Variants in STX8 observed in about 807,000 individuals in gnomAD.
STX8 encodes syntaxin-8.
Under a neutral mutation model 37.5 loss-of-function variants are expected in STX8, and 23 were observed. That is an observed-to-expected ratio of 0.61 (90% confidence interval 0.44 to 0.87). The LOEUF (loss-of-function observed/expected upper bound fraction) is 0.87. Among genes scored for constraint, STX8 ranks in the 40% least tolerant of loss-of-function variants. STX8 has a pLI of 0.00. For synonymous variants in STX8, 115 were observed against 99.1 expected (o/e 1.16, Z -0.95); for missense variants, 313 against 284.7 (o/e 1.10, Z -0.71).
intron 6 of STX8, among the ~76,000 whole-genome samples, chr17:9,487,575 A>G (rs1438187178): frequency 6.6e-6 from 1 of 152,180 alleles, no homozygotes; most frequent in Non-Finnish European, 1.5e-5. Context: ...GCAAATGTTC[A>G]CATTAGAAAA....
intron 6 of STX8, among the ~76,000 whole-genome samples, chr17:9,431,277 G>T (rs1913963408): frequency 6.7e-6 from 1 of 148,544 alleles, no homozygotes; most frequent in Non-Finnish European, 1.5e-5. Flanking sequence ...CACCATGTTG[G>T]CCAGGATGGT....
chr17:9,447,307 T>C (rs926329976), intron 6 of STX8, among the ~76,000 whole-genome samples: 5 of 152,236 alleles, frequency 3.3e-5, no homozygotes, highest in Non-Finnish European at 5.9e-5. Context: ...ATTACAAGAA[T>C]GAAGTGTGTG....
chr17:9,296,631 A>T (rs1175541761), intron 7 of STX8, among the ~76,000 whole-genome samples: 2 of 36,722 alleles, frequency 5.4e-5, no homozygotes, highest in African/African-American at 2.4e-4. Context: ...TGAAAGACTA[A>T]AAAAAAAAAA....
chr17:9,378,975 T>C (rs1911698003), intron 6 of STX8, among the ~76,000 whole-genome samples: 1 of 152,160 alleles, frequency 6.6e-6, no homozygotes, highest in African/African-American at 2.4e-5. Context: ...CCAGGCACGG[T>C]GGCTCACGCC....
intron 6 of STX8, among the ~76,000 whole-genome samples, chr17:9,470,885 CCTGG>C (rs1443614369): frequency 9.5e-6 from 1 of 104,928 alleles, no homozygotes; most frequent in Non-Finnish European, 1.9e-5. Context: ...CGCCACCATG[CCTGG>C]CTAATTTTTT....
At chr17:9,444,128 C>G (rs1207125114) in intron 6 of STX8, among the ~76,000 whole-genome samples, 1 of 148,904 alleles carries the variant, frequency 6.7e-6, no homozygotes, top group Admixed American at 6.8e-5. Context: ...TATTCACACA[C>G]ACTTTCGCAC....
At chr17:9,301,778 G>A (rs929888251) in intron 7 of STX8, among the ~76,000 whole-genome samples, 17 of 152,080 alleles carry the variant, frequency 1.1e-4, no homozygotes, top group South Asian at 6.2e-4. Flanking sequence ...CATGAGCCAC[G>A]GCGCCCGGCC....
intron 6 of STX8, among the ~76,000 whole-genome samples, chr17:9,430,003 T>A (rs865871782): frequency 6.0e-5 from 1 of 16,596 alleles, no homozygotes; most frequent in Admixed American, 1.2e-3. Flanking sequence ...ATAATATATA[T>A]ATTATATATT....
chr17:9,412,903 T>C (rs1014391773), intron 6 of STX8, among the ~76,000 whole-genome samples: 1 of 152,160 alleles, frequency 6.6e-6, no homozygotes, highest in Non-Finnish European at 1.5e-5. Flanking sequence ...AGAAAGGACG[T>C]AATCAAAGAA....
At chr17:9,437,003 A>G (rs1455785992) in intron 6 of STX8, among the ~76,000 whole-genome samples, 1 of 152,232 alleles carries the variant, frequency 6.6e-6, no homozygotes, top group East Asian at 1.9e-4. Context: ...TAACCTCCTT[A>G]GGGTATTATG....
intron 4 of STX8, among the ~76,000 whole-genome samples, chr17:9,535,119 G>C (rs1905975728): frequency 6.6e-6 from 1 of 152,020 alleles, no homozygotes. Context: ...AGATTTAACA[G>C]TTATAAAACC....
chr17:9,267,070 CAG>C (rs930906428), intron 7 of STX8, among the ~76,000 whole-genome samples: 7 of 152,276 alleles, frequency 4.6e-5, no homozygotes, highest in South Asian at 2.1e-4. Context: ...GGCAAAATGA[CAG>C]AGTGTGTGAA....
At chr17:9,269,186 CAAAAAAA>C (rs34395133) in intron 7 of STX8, among the ~76,000 whole-genome samples, 2 of 124,100 alleles carry the variant, frequency 1.6e-5, no homozygotes, top group Non-Finnish European at 3.5e-5. Flanking sequence ...GACTCCGTCT[CAAAAAAA>C]AAAAAAAAAA....
intron 6 of STX8, among the ~76,000 whole-genome samples, chr17:9,489,061 C>G (rs994173990): frequency 6.6e-6 from 1 of 152,050 alleles, no homozygotes; most frequent in Non-Finnish European, 1.5e-5. Context: ...ATGTTTAGTA[C>G]AGGTGGGGTT....
chr17:9,523,056 T>C (rs997995911), intron 4 of STX8, among the ~76,000 whole-genome samples: 4 of 152,008 alleles, frequency 2.6e-5, no homozygotes, highest in Admixed American at 1.3e-4. Flanking sequence ...CTCTCACCTG[T>C]AATCCCAGCA....
intron 7 of STX8, among the ~76,000 whole-genome samples, chr17:9,301,610 G>C (rs1908787759): frequency 6.6e-6 from 1 of 151,500 alleles, no homozygotes. Flanking sequence ...AGCCTCCCGA[G>C]TAGCTGGGAC....
chr17:9,444,052 C>A (rs561848371), intron 6 of STX8, among the ~76,000 whole-genome samples: 1 of 152,304 alleles, frequency 6.6e-6, no homozygotes, highest in African/African-American at 2.4e-5. Flanking sequence ...CTGTATCATA[C>A]CTAGTTTGAC....
chr17:9,303,942 G>A (rs1409576148), intron 7 of STX8, among the ~76,000 whole-genome samples: 2 of 151,386 alleles, frequency 1.3e-5, no homozygotes, highest in Non-Finnish European at 2.9e-5. Flanking sequence ...TGATAATTAC[G>A]ACTACCTAAA....
intron 7 of STX8, among the ~76,000 whole-genome samples, chr17:9,261,519 G>A (rs1042070275): frequency 6.6e-6 from 1 of 152,162 alleles, no homozygotes; most frequent in Admixed American, 6.5e-5. Flanking sequence ...ACGAAACTCT[G>A]CAGATGATAG....
Sources: allele counts gnomAD v4.1 joint callset (sites outside exome capture counted in the v4.1 genomes callset), GRCh38; gene constraint gnomAD v4.1.1; transcripts MANE v1.5; gene names NCBI Gene and HGNC (gene_info 2026-07-23, HGNC 2026-07-21).